The following RBPJ variants were observed in gnomAD, a reference collection of about 807,000 sequenced individuals.
The protein encoded by RBPJ is recombination signal binding protein for immunoglobulin kappa J region.
RBPJ carries 9 observed loss-of-function variants against 67.8 expected under a neutral mutation model. That is an observed-to-expected ratio of 0.13 (90% CI 0.08 to 0.23). RBPJ has a LOEUF of 0.23. Ranked by LOEUF, RBPJ falls within the 10% of genes least tolerant of loss-of-function variation. RBPJ has a pLI of 1.00. For missense variants in RBPJ, 305 were observed against 595.6 expected, an observed-to-expected ratio of 0.51 and a Z score of 5.08; for synonymous variants, 198 against 203.3, an observed-to-expected ratio of 0.97 and a Z score of 0.22.
chr4:26,361,007 G>A (rs1278575422), intron 1 of RBPJ, among the ~76,000 whole-genome samples: 1 of 150,528 alleles, frequency 6.6e-6, no homozygotes, highest in Non-Finnish European at 1.5e-5. Context: ...TTGTCTGGAG[G>A]AGCAGAGTGT....
Position 26,430,862 on chromosome 4 carries a change from A to G in RBPJ, c.1319A>G (p.His440Arg). 2 of 1,614,024 alleles carry G rather than the reference A, an allele frequency of 1.2e-6. No individual in the cohort carries two copies. Among genetic ancestry groups the G allele is most frequent in the South Asian group, 1.1e-5 (1 of 91,074 alleles). Reference protein sequence around the residue: ...TYTPEPGPRPHCSAAGAILRA... With the variant: ...TYTPEPGPRPRCSAAGAILRA... Reference sequence around the variant, plus strand: ...ACACCAGAACCAGGGCCGCGGCCACATTGCAGTGCAGCAGGAGCAATCCTT... The same window carrying G: ...ACACCAGAACCAGGGCCGCGGCCACGTTGCAGTGCAGCAGGAGCAATCCTT... The change falls in exon 11 of 11, where the codon CAT becomes CGT. Residue 440 changes from histidine (H) to arginine (R), a missense_variant. Transcript: ENST00000355476. The surrounding 1 kb of genome is among the most constrained non-coding windows in gnomAD (Gnocchi z 4.1).
intron 1 of RBPJ, among the ~76,000 whole-genome samples, chr4:26,231,230 T>C (rs2109204955): frequency 6.6e-6 from 1 of 152,352 alleles, no homozygotes; most frequent in South Asian, 2.1e-4. Context: ...GGTTGATTAC[T>C]TTAAATGGAA....
chr4:26,207,626 T>C (rs1221345937), intron 1 of RBPJ, among the ~76,000 whole-genome samples: 1 of 152,240 alleles, frequency 6.6e-6, no homozygotes, highest in Non-Finnish European at 1.5e-5. Context: ...AGCTCTCGTT[T>C]AGGCACTTGG....
At chr4:26,254,903 G>C (rs1452122894) in intron 1 of RBPJ, among the ~76,000 whole-genome samples, 6 of 116,638 alleles carry the variant, frequency 5.1e-5, no homozygotes, top group African/African-American at 2.4e-4. Flanking sequence ...TTTCAGGCTG[G>C]TGTCGAGACC....
rs115163620 is a variant in RBPJ at position 26,330,273 on chromosome 4, G to T, written c.20+9225G>T. ...GTCAGTGAGCTTCATAAGAAAAGGAGCAATTATTTTACTTACCTTGCACAA... is the reference window on the plus strand; with the variant it reads ...GTCAGTGAGCTTCATAAGAAAAGGATCAATTATTTTACTTACCTTGCACAA... On this transcript the variant is annotated intron_variant, in intron 1 of 10. Transcript: ENST00000355476. Among the ~76,000 whole-genome samples the T allele has an allele frequency of 1.6e-3, 247 of 152,264 alleles. 1 individual carries two copies. Among genetic ancestry groups the T allele is most frequent in the African/African-American group, 5.8e-3 (239 of 41,550 alleles).
At chr4:26,270,300 A>G (rs1427664754) in intron 1 of RBPJ, among the ~76,000 whole-genome samples, 7 of 88,470 alleles carry the variant, frequency 7.9e-5, no homozygotes, top group Non-Finnish European at 1.5e-4. Context: ...AGGGAAGGGA[A>G]GGGGAGGGGA....
At chr4:26,164,102 C>T (rs1287349845) in intron 1 of RBPJ, among the ~76,000 whole-genome samples, 1 of 146,116 alleles carries the variant, frequency 6.8e-6, no homozygotes, top group African/African-American at 2.7e-5. Flanking sequence ...GTAGGTGATA[C>T]TGATCACGTT....
chr4:26,396,399 C>T (rs1174681495), intron 2 of RBPJ, among the ~76,000 whole-genome samples: 2 of 152,094 alleles, frequency 1.3e-5, no homozygotes, highest in Non-Finnish European at 2.9e-5. Flanking sequence ...CGGTCTGATC[C>T]CTGGGATTCG....
At chr4:26,418,758 C>T (rs761357448) in intron 4 of RBPJ, among the ~76,000 whole-genome samples, 6 of 152,194 alleles carry the variant, frequency 3.9e-5, no homozygotes, top group Non-Finnish European at 5.9e-5. Context: ...CTTCCCATGA[C>T]TGTCTGCTTT....
At chr4:26,371,791 T>A (rs1328532699) in intron 1 of RBPJ, among the ~76,000 whole-genome samples, 1 of 152,206 alleles carries the variant, frequency 6.6e-6, no homozygotes, top group Non-Finnish European at 1.5e-5. Flanking sequence ...CATTAAATAA[T>A]GATAGGTGGT....
At chr4:26,164,744 C>T (rs1246039067) in intron 1 of RBPJ, among the ~76,000 whole-genome samples, 3 of 152,050 alleles carry the variant, frequency 2.0e-5, no homozygotes, top group Admixed American at 6.6e-5. Flanking sequence ...CATAGAACTG[C>T]ACAAAAAGAG....
At chr4:26,386,063 T>C (rs1439963341) in intron 1 of RBPJ, among the ~76,000 whole-genome samples, 1 of 152,208 alleles carries the variant, frequency 6.6e-6, no homozygotes, top group Non-Finnish European at 1.5e-5. Context: ...TTTGGCTAGC[T>C]GTTTTATTGG....
the RBPJ span, among the ~76,000 whole-genome samples, chr4:26,132,844 G>A: frequency 6.6e-6 from 1 of 152,120 alleles, no homozygotes; most frequent in Non-Finnish European, 1.5e-5. Flanking sequence ...GATGCAAGAG[G>A]GGGCAGGGTC....
At chr4:26,362,929 G>A (rs1399005851) in intron 1 of RBPJ, among the ~76,000 whole-genome samples, 1 of 152,088 alleles carries the variant, frequency 6.6e-6, no homozygotes, top group Non-Finnish European at 1.5e-5. Flanking sequence ...GATTATTCAT[G>A]TATTACTCTG....
At chr4:26,365,390 G>C (rs1728522019) in intron 1 of RBPJ, among the ~76,000 whole-genome samples, 1 of 152,130 alleles carries the variant, frequency 6.6e-6, no homozygotes, top group Non-Finnish European at 1.5e-5. Context: ...ATCCTGCTGG[G>C]GTGATGTGTG....
chr4:26,225,488 A>G (rs1719046578), intron 1 of RBPJ, among the ~76,000 whole-genome samples: 1 of 152,210 alleles, frequency 6.6e-6, no homozygotes, highest in South Asian at 2.1e-4. Context: ...GAGGATTTTC[A>G]GGTGGTGCAG....
upstream of RBPJ, among the ~76,000 whole-genome samples, chr4:26,159,201 T>C (rs547529803): frequency 1.3e-5 from 2 of 152,192 alleles, no homozygotes; most frequent in Non-Finnish European, 2.9e-5. Context: ...ATGTATAAGA[T>C]CCAAGCAACT....
intron 1 of RBPJ, among the ~76,000 whole-genome samples, chr4:26,372,853 T>G (rs967200353): frequency 2.0e-5 from 3 of 152,226 alleles, no homozygotes; most frequent in Non-Finnish European, 4.4e-5. Context: ...GCTCCTGTGC[T>G]GTTTTTTTCC....
intron 2 of RBPJ, among the ~76,000 whole-genome samples, chr4:26,391,756 G>T (rs1731526837): frequency 6.6e-6 from 1 of 152,198 alleles, no homozygotes; most frequent in Admixed American, 6.5e-5. Flanking sequence ...CTAATCCAAA[G>T]AATGTGTGAA....
Sources: allele counts gnomAD v4.1 joint callset (sites outside exome capture counted in the v4.1 genomes callset), GRCh38; gene constraint gnomAD v4.1.1; non-coding constraint Gnocchi (gnomAD v3.1); transcripts MANE v1.5; gene names NCBI Gene and HGNC (gene_info 2026-07-23, HGNC 2026-07-21).